The following ARFGEF3 variants were observed in gnomAD, a reference collection of about 807,000 sequenced individuals.
The protein encoded by ARFGEF3 is brefeldin A-inhibited guanine nucleotide-exchange protein 3.
Under a neutral mutation model 221.7 loss-of-function variants are expected in ARFGEF3, and 96 were observed. That is an observed-to-expected ratio of 0.43 (90% CI 0.37 to 0.51). The LOEUF (loss-of-function observed/expected upper bound fraction) is 0.51, where lower values mean the gene tolerates loss of function less well. ARFGEF3 is among the 20% of genes least tolerant of loss of function. ARFGEF3 has a pLI of 0.00. For synonymous variants in ARFGEF3, 1,145 were observed against 1,126.8 expected, an observed-to-expected ratio of 1.02 and a Z score of -0.32; for missense variants, 2,410 against 2,789.9, an observed-to-expected ratio of 0.86 and a Z score of 3.07.
At chr6:138,264,695 C>T (rs982123118) in intron 12 of ARFGEF3, among the ~76,000 whole-genome samples, 1 of 152,180 alleles carries the variant, frequency 6.6e-6, no homozygotes, top group Non-Finnish European at 1.5e-5. Context: ...GGGCTGAGAC[C>T]TTGTCTCACT....
chr6:138,235,560 C>T (rs971405447), intron 5 of ARFGEF3, among the ~76,000 whole-genome samples: 1 of 152,200 alleles, frequency 6.6e-6, no homozygotes, highest in African/African-American at 2.4e-5. Context: ...ATTCTCTTAG[C>T]TGCTATGATT....
At chr6:138,290,631 G>A (rs1779386315) in intron 18 of ARFGEF3, among the ~76,000 whole-genome samples, 2 of 152,210 alleles carry the variant, frequency 1.3e-5, no homozygotes, top group Admixed American at 6.5e-5. Context: ...CCCAAGCATT[G>A]CATCAGGACA....
chr6:138,244,556 C>T (rs886248348), intron 7 of ARFGEF3, among the ~76,000 whole-genome samples: 1 of 152,156 alleles, frequency 6.6e-6, no homozygotes, highest in Non-Finnish European at 1.5e-5. Context: ...AGCCTTTTTC[C>T]CACTCTGCTT....
intron 10 of ARFGEF3, among the ~76,000 whole-genome samples, chr6:138,256,104 C>T (rs1470828395): frequency 6.6e-6 from 1 of 152,134 alleles, no homozygotes; most frequent in African/African-American, 2.4e-5. Flanking sequence ...TGTGTTTATT[C>T]GCCTTTGCCA....
intron 8 of ARFGEF3, among the ~76,000 whole-genome samples, chr6:138,252,863 T>G (rs1368091600): frequency 6.6e-6 from 1 of 152,228 alleles, no homozygotes; most frequent in African/African-American, 2.4e-5. Flanking sequence ...TCTGTCACTC[T>G]TGTCACCTGC....
At chr6:138,250,568 A>G (rs1778561329) in intron 8 of ARFGEF3, among the ~76,000 whole-genome samples, 1 of 152,178 alleles carries the variant, frequency 6.6e-6, no homozygotes, top group African/African-American at 2.4e-5. Context: ...ATTCAAATCT[A>G]TTTCTAAGGA....
rs1357219854 is a variant in ARFGEF3, at chr6:138,263,044, G to A, written c.1561G>A (p.Gly521Ser). Reference protein sequence around the residue: ...TGQTTLEGELGQTTPEDHSGN... With the variant: ...TGQTTLEGELSQTTPEDHSGN... ...CCAGACCACTCTCGAGGGAGAGTTG[G>A]GTCAGACTACACCCGAGGACCATTC... The change falls in exon 12 of 34, where the codon GGT (glycine) becomes AGT (serine). Residue 521 changes from glycine to serine, a missense_variant. Transcript: ENST00000251691. 1.9e-6 allele frequency: 3 copies of A among 1,611,742 alleles called. No homozygotes were observed. The highest frequency in any genetic ancestry group is 8.5e-7 in the Non-Finnish European group (1 of 1,179,020).
Position 138,333,956 on chromosome 6 carries a change from C to T in ARFGEF3, c.5124-14C>T. 6.3e-7 allele frequency: 1 copy of T among 1,593,214 alleles called. No homozygotes were observed. Among genetic ancestry groups the T allele is most frequent in the Non-Finnish European group, 8.6e-7 (1 of 1,167,154 alleles). Reference sequence around the variant, plus strand: ...CAGAAAACCATTAATCGAGCCCTCTCTTTTCACTTGAAGCGTGTCTTTCAG... The same window carrying T: ...CAGAAAACCATTAATCGAGCCCTCTTTTTTCACTTGAAGCGTGTCTTTCAG... On this transcript the variant is annotated splice_polypyrimidine_tract_variant and intron_variant, in intron 32 of 33. Transcript: ENST00000251691.
At position 138,336,514 on chromosome 6, in the gene ARFGEF3, A is replaced by G. The variant is rs762549861; in HGVS notation, c.*28A>G. ...GACTCCTGTTCTACTCTCCCACCAA[A>G]TAACAGTAGTGAGGGTTAGAGTCCT... On this transcript the variant is annotated 3_prime_UTR_variant, in exon 34 of 34. Coordinates refer to ENST00000251691, the MANE Select transcript of ARFGEF3 (RefSeq NM_020340.5). 3 of 1,570,194 alleles carry G rather than the reference A, an allele frequency of 1.9e-6. No individual in the cohort carries two copies. Among genetic ancestry groups the G allele is most frequent in the South Asian group, 1.2e-5 (1 of 83,760 alleles).
rs1340049899 is a variant in ARFGEF3 at position 138,341,373 on chromosome 6, T to A, written c.*4887T>A. 1 of 154,832 alleles carries A rather than the reference T, an allele frequency of 6.5e-6. No individual in the cohort carries two copies. The highest frequency in any genetic ancestry group is 1.5e-5 in the Non-Finnish European group (1 of 68,226). 9.6% of individuals were successfully genotyped at this position (154,832 alleles called of 1,614,324 possible). A position where few individuals can be genotyped will look rare whatever the true frequency, so the allele number is the denominator to read the frequency against. ...AGGTGCTAAGGGCATCAGGTCGACA[T>A]CCATAGTAACCATGTGCCATAACAT... On this transcript the variant is annotated 3_prime_UTR_variant, in exon 34 of 34. Transcript: ENST00000251691.
chr6:138,260,857 A>G (rs1347177113), intron 10 of ARFGEF3, among the ~76,000 whole-genome samples: 2 of 152,174 alleles, frequency 1.3e-5, no homozygotes, highest in Non-Finnish European at 2.9e-5. Context: ...TTAAAGAAAT[A>G]AAAGAGGGTA....
intron 17 of ARFGEF3, among the ~76,000 whole-genome samples, chr6:138,289,450 T>C (rs932071596): frequency 4.7e-4 from 72 of 152,184 alleles, no homozygotes; most frequent in Non-Finnish European, 1.0e-4. Flanking sequence ...CAGGAATTCT[T>C]CCATTTGACC....
At chr6:138,300,473 T>C (rs994545057) in intron 22 of ARFGEF3, among the ~76,000 whole-genome samples, 1 of 152,150 alleles carries the variant, frequency 6.6e-6, no homozygotes, top group African/African-American at 2.4e-5. Flanking sequence ...TTTTAATCAC[T>C]CGAAGACACT....
intron 3 of ARFGEF3, among the ~76,000 whole-genome samples, chr6:138,207,527 G>GT (rs1190339925): frequency 1.3e-5 from 2 of 152,094 alleles, no homozygotes; most frequent in Admixed American, 6.5e-5. Flanking sequence ...ATTTTGTTTT[G>GT]TTTTTTATTC....
chr6:138,211,594 T>C (rs1177520504), intron 4 of ARFGEF3, among the ~76,000 whole-genome samples: 1 of 152,236 alleles, frequency 6.6e-6, no homozygotes, highest in Non-Finnish European at 1.5e-5. Context: ...GGGCTCCAAA[T>C]ACTGGAGAGT....
chr6:138,268,276 G>A (rs1778934073), intron 12 of ARFGEF3, among the ~76,000 whole-genome samples: 1 of 152,142 alleles, frequency 6.6e-6, no homozygotes, highest in Non-Finnish European at 1.5e-5. Flanking sequence ...ACAGAAGAGT[G>A]GGAGAAGGGA....
intron 22 of ARFGEF3, among the ~76,000 whole-genome samples, chr6:138,304,010 G>A (rs575636510): frequency 1.4e-4 from 22 of 151,768 alleles, no homozygotes; most frequent in South Asian, 1.3e-3. Flanking sequence ...GTATATAACC[G>A]AGAGAAATGA....
At chr6:138,276,858 G>A (rs1012862306) in intron 12 of ARFGEF3, among the ~76,000 whole-genome samples, 1 of 152,130 alleles carries the variant, frequency 6.6e-6, no homozygotes, top group Non-Finnish European at 1.5e-5. Flanking sequence ...TAGAGATGGG[G>A]TTTCACCCTC....
At chr6:138,173,379 C>G (rs1776879055) in intron 2 of ARFGEF3, among the ~76,000 whole-genome samples, 1 of 152,130 alleles carries the variant, frequency 6.6e-6, no homozygotes, top group Non-Finnish European at 1.5e-5. Flanking sequence ...TTGATAAACT[C>G]TGCTCTAAAG....
Sources: gnomAD v4.1 joint callset for allele counts (sites outside exome capture counted in the v4.1 genomes callset) on GRCh38, gnomAD v4.1.1 for gene constraint, MANE v1.5 for transcripts, NCBI Gene and HGNC (gene_info 2026-07-23, HGNC 2026-07-21) for gene names.